The following RBFOX1 variants were observed in gnomAD, a reference collection of about 807,000 sequenced individuals.
RBFOX1 encodes the protein RNA binding fox-1 homolog 1.
RBFOX1 carries 8 observed loss-of-function variants against 57.7 expected under a neutral mutation model. That is an observed-to-expected ratio of 0.14 (90% CI 0.08 to 0.25). RBFOX1 has a LOEUF of 0.25. RBFOX1 is among the 10% of genes least tolerant of loss of function. The pLI is 1.00. For synonymous variants in RBFOX1, 326 were observed against 222.4 expected (o/e 1.47, Z -4.15); for missense variants, 611 against 548.5 (o/e 1.11, Z -1.14).
chr16:6,295,902 C>A (rs1161426203), intron 1 of RBFOX1, among the ~76,000 whole-genome samples: 1 of 152,184 alleles, frequency 6.6e-6, no homozygotes, highest in African/African-American at 2.4e-5. Context: ...GTCCCCTGGG[C>A]CACAAACTAA....
chr16:5,567,654 A>T (rs2151122881), intron 2 of RBFOX1, among the ~76,000 whole-genome samples: 1 of 150,412 alleles, frequency 6.6e-6, no homozygotes, highest in African/African-American at 2.4e-5. Context: ...AAAAAAAAAA[A>T]AAAAGCCTCC....
At chr16:6,689,223 G>C (rs984089402) in intron 3 of RBFOX1, among the ~76,000 whole-genome samples, 2 of 152,174 alleles carry the variant, frequency 1.3e-5, no homozygotes, top group Admixed American at 1.3e-4. Context: ...ATTATGTCTG[G>C]AGTTTTTGTA....
chr16:6,896,148 C>T (rs889760955), intron 3 of RBFOX1, among the ~76,000 whole-genome samples: 1 of 152,054 alleles, frequency 6.6e-6, no homozygotes, highest in African/African-American at 2.4e-5. Context: ...TGGTGGGTGT[C>T]TGTAATCCCA....
intron 2 of RBFOX1, among the ~76,000 whole-genome samples, chr16:6,627,997 T>C (rs1021456128): frequency 1.3e-5 from 2 of 152,348 alleles, no homozygotes; most frequent in East Asian, 1.9e-4. Context: ...ATGTGATTGT[T>C]ACTGCAGCAG....
At chr16:6,334,981 C>A (rs184329541) in intron 2 of RBFOX1, among the ~76,000 whole-genome samples, 7 of 152,316 alleles carry the variant, frequency 4.6e-5, no homozygotes, top group Admixed American at 3.9e-4. Flanking sequence ...ACAGTGTCAT[C>A]CTATAATGTC....
chr16:7,097,614 C>T (rs186172154), intron 4 of RBFOX1, among the ~76,000 whole-genome samples: 3 of 152,286 alleles, frequency 2.0e-5, no homozygotes, highest in African/African-American at 4.8e-5. Flanking sequence ...GCTGTTGCCA[C>T]TCATAATATG....
At chr16:5,622,972 A>G (rs1299294142) in intron 3 of RBFOX1, among the ~76,000 whole-genome samples, 1 of 152,160 alleles carries the variant, frequency 6.6e-6, no homozygotes, top group Non-Finnish European at 1.5e-5. Flanking sequence ...AGACAGTTTG[A>G]AGTATATGGG....
chr16:6,989,421 G>A (rs183432927), intron 3 of RBFOX1, among the ~76,000 whole-genome samples: 3 of 151,952 alleles, frequency 2.0e-5, no homozygotes, highest in African/African-American at 4.8e-5. Flanking sequence ...ATTATTTAAC[G>A]GTGCAATTAG....
At chr16:6,086,700 C>T (rs992437587) in intron 1 of RBFOX1, among the ~76,000 whole-genome samples, 2 of 152,134 alleles carry the variant, frequency 1.3e-5, no homozygotes, top group African/African-American at 4.8e-5. Flanking sequence ...TGAAGAATAC[C>T]TTCTTTTGTG....
At chr16:7,035,375 C>T (rs903283806) in intron 3 of RBFOX1, among the ~76,000 whole-genome samples, 2 of 152,120 alleles carry the variant, frequency 1.3e-5, no homozygotes, top group South Asian at 2.1e-4. Context: ...CCTCATGATA[C>T]GGATCACGTT....
At chr16:7,435,822 C>T (rs929786032) in intron 4 of RBFOX1, among the ~76,000 whole-genome samples, 2 of 152,210 alleles carry the variant, frequency 1.3e-5, no homozygotes, top group Non-Finnish European at 2.9e-5. Context: ...ATTAAAGGCT[C>T]ATTCCTCCAT....
intron 2 of RBFOX1, among the ~76,000 whole-genome samples, chr16:6,367,312 C>G (rs1230325459): frequency 6.6e-6 from 1 of 152,042 alleles, no homozygotes; most frequent in Non-Finnish European, 1.5e-5. Flanking sequence ...ACACCGTTGC[C>G]TGGGCTGGAG....
exon 1 of RBFOX1, chr16:5,240,039 C>T (rs2062123783): frequency 2.0e-6 from 3 of 1,531,630 alleles, no homozygotes; most frequent in African/African-American, 2.8e-5. Flanking sequence ...ACTGCGAGGA[C>T]GGGAAGGACG....
intron 4 of RBFOX1, among the ~76,000 whole-genome samples, chr16:7,425,103 A>G (rs145409248): frequency 6.6e-6 from 1 of 152,202 alleles, no homozygotes; most frequent in African/African-American, 2.4e-5. Flanking sequence ...TTTTTTTTCC[A>G]GGGAAAGGCT....
chr16:7,469,949 G>A (rs1306026789), intron 4 of RBFOX1, among the ~76,000 whole-genome samples: 1 of 151,682 alleles, frequency 6.6e-6, no homozygotes, highest in South Asian at 2.1e-4. Context: ...TTTTGTGACT[G>A]GCTTATTTCT....
rs574972817 is a variant in RBFOX1 at position 7,417,305 on chromosome 16, G to A, written c.28-100842G>A. On this transcript the variant is annotated intron_variant, in intron 4 of 15. Coordinates refer to ENST00000550418, the MANE Select transcript of RBFOX1 (RefSeq NM_018723.4). ...GGGGAATCACTTGAACCTGGGAGGT[G>A]GAGGTTGCAGTGAGGTGAGATTGTT... Among the ~76,000 whole-genome samples the A allele has an allele frequency of 4.0e-5, 6 of 150,594 alleles. No individual in the cohort carries two copies. In the East Asian group the frequency reaches 1.2e-3, roughly 30 times the overall value.
In RBFOX1 at chr16:7,653,813, A is replaced by G; in HGVS notation, c.758-2A>G. 1 of 1,608,168 alleles carries G rather than the reference A, an allele frequency of 6.2e-7. No homozygotes were observed. Among genetic ancestry groups the G allele is most frequent in the Non-Finnish European group, 8.5e-7 (1 of 1,179,542 alleles). ...CTCTCTCTCTCTCCTCTTGCCCCGCAGTGCCAGGCTTCCCGTATCCAGCAG... is the reference window on the plus strand; with the variant it reads ...CTCTCTCTCTCTCCTCTTGCCCCGCGGTGCCAGGCTTCCCGTATCCAGCAG... On this transcript the variant is annotated splice_acceptor_variant, in intron 11 of 15. Transcript: ENST00000550418. LOFTEE classifies it high-confidence loss of function.
At chr16:7,444,449 TA>T in intron 4 of RBFOX1, among the ~76,000 whole-genome samples, 1 of 152,238 alleles carries the variant, frequency 6.6e-6, no homozygotes, top group South Asian at 2.1e-4. Context: ...CTGAACAGCC[TA>T]GGGGGAGAGC....
At chr16:6,913,390 G>A (rs1178207550) in intron 3 of RBFOX1, among the ~76,000 whole-genome samples, 2 of 152,068 alleles carry the variant, frequency 1.3e-5, no homozygotes, top group Non-Finnish European at 2.9e-5. Flanking sequence ...AGCAGCTGCT[G>A]TCTCTTCCGG....
Sources: gnomAD v4.1 joint callset for allele counts (sites outside exome capture counted in the v4.1 genomes callset) on GRCh38, gnomAD v4.1.1 for gene constraint, MANE v1.5 for transcripts, NCBI Gene and HGNC (gene_info 2026-07-23, HGNC 2026-07-21) for gene names.